Variants in C12orf76 observed in about 807,000 individuals in gnomAD.
C12orf76 encodes chromosome 12 open reading frame 76, also known as uncharacterized protein C12orf76.
In C12orf76, 6 loss-of-function variants were observed where a neutral mutation model predicts 6.8. That is an observed-to-expected ratio of 0.88 (90% CI 0.48 to 1.73). C12orf76 has a LOEUF of 1.73. Ranked by LOEUF, C12orf76 falls within the 40% of genes most tolerant of loss-of-function variation. The probability of loss-of-function intolerance (pLI) is 0.01; values close to 1 mark genes in which losing one functional copy is unlikely to be tolerated. For synonymous variants in C12orf76, 56 were observed against 43.7 expected, an observed-to-expected ratio of 1.28 and a Z score of -1.11; for missense variants, 99 against 98.2, an observed-to-expected ratio of 1.01 and a Z score of -0.03.
rs925974658 is a variant in C12orf76, at chr12:110,054,639, C to A, written n.664+2550G>T. 6.6e-6 allele frequency among the ~76,000 whole-genome samples: 1 copy of A among 152,122 alleles called. No individual in the cohort carries two copies. Among genetic ancestry groups the A allele is most frequent in the Non-Finnish European group, 1.5e-5 (1 of 68,026 alleles). The stretch of plus-strand genomic sequence containing the variant: ...TGGAACTAGATGTGGTGGTTGCACA[C>A]CTCTCTGAAATGCCACTGAACTGTT... On this transcript the variant is annotated intron_variant and non_coding_transcript_variant, in intron 4 of 4. Transcript: ENST00000309050. This position sits in a 1 kb window ranked among gnomAD's most constrained non-coding sequence, Gnocchi z 4.4.
intron 1 of C12orf76, among the ~76,000 whole-genome samples, chr12:110,045,229 C>T (rs1892418577): frequency 6.6e-6 from 1 of 152,188 alleles, no homozygotes; most frequent in Non-Finnish European, 1.5e-5. Context: ...TACAATTGGA[C>T]TTAAAGTTGT....
chr12:110,051,904 CTT>C (rs567991255), upstream of C12orf76, among the ~76,000 whole-genome samples: 5 of 100,682 alleles, frequency 5.0e-5, no homozygotes, highest in African/African-American at 7.3e-5. Context: ...GGCAGCTACT[CTT>C]TTTTTTTTTT....
upstream of C12orf76, chr12:110,048,686 T>C (rs1333375873): frequency 2.4e-6 from 3 of 1,250,836 alleles, no homozygotes; most frequent in Non-Finnish European, 3.0e-6. Flanking sequence ...ATAACTAATG[T>C]TTCCCCCGGA....
upstream of C12orf76, among the ~76,000 whole-genome samples, chr12:110,068,247 A>AAAGAAGAAGAAGAAGAAG (rs4042063): frequency 3.1e-4 from 20 of 63,814 alleles, 1 homozygote; most frequent in Middle Eastern, 0.012. Flanking sequence ...GAAGAAGAAG[A>AAAGAAGAAGAAGAAGAAG]AAGAAGAAGA....
intron 1 of C12orf76, among the ~76,000 whole-genome samples, chr12:110,047,431 G>A (rs1243942978): frequency 6.6e-6 from 1 of 152,114 alleles, no homozygotes; most frequent in African/African-American, 2.4e-5. Context: ...GCTCACACTT[G>A]TAATCCCAAC....
chr12:110,069,990 T>G (rs571806641), upstream of C12orf76, among the ~76,000 whole-genome samples: 172 of 152,300 alleles, frequency 1.1e-3, 2 homozygotes, highest in African/African-American at 4.0e-3. Flanking sequence ...TGGCTCACAC[T>G]GTAATCCCAG....
chr12:110,054,318 T>C lies in C12orf76; in HGVS notation n.664+2871A>G, dbSNP rs1306296227. On this transcript the variant is annotated intron_variant and non_coding_transcript_variant, in intron 4 of 4. Transcript: ENST00000309050. This position sits in a 1 kb window ranked among gnomAD's most constrained non-coding sequence, Gnocchi z 4.4. Reference sequence around the variant, plus strand: ...AAATGTTCATCTATGGATGAATGGATAGGCAAAATGTGGTCTATCCATTCA... The same window carrying C: ...AAATGTTCATCTATGGATGAATGGACAGGCAAAATGTGGTCTATCCATTCA... Among the ~76,000 whole-genome samples, 3 of 152,144 alleles carry C rather than the reference T, an allele frequency of 2.0e-5. No individual in the cohort carries two copies. Among genetic ancestry groups the C allele is most frequent in the Non-Finnish European group, 4.4e-5 (3 of 68,026 alleles).
intron 1 of C12orf76, chr12:110,073,304 G>A (rs1892983169): frequency 2.2e-6 from 1 of 447,182 alleles, no homozygotes; most frequent in Non-Finnish European, 4.5e-6. Flanking sequence ...TGCTGTGAAA[G>A]CACGTCCAAA....
At chr12:110,044,905 G>A (rs1212405415) in intron 1 of C12orf76, among the ~76,000 whole-genome samples, 5 of 152,058 alleles carry the variant, frequency 3.3e-5, no homozygotes, top group East Asian at 3.9e-4. Flanking sequence ...CCCGGGAGGC[G>A]GAGGTTGCGG....
upstream of C12orf76, chr12:110,050,924 A>G (rs1892563561): frequency 1.5e-6 from 1 of 678,164 alleles, no homozygotes; most frequent in African/African-American, 1.7e-5. Context: ...AGAAGGGACT[A>G]TAGTGCAGAA....
chr12:110,052,643 T>A (rs1356732747), upstream of C12orf76, among the ~76,000 whole-genome samples: 1 of 152,232 alleles, frequency 6.6e-6, no homozygotes, highest in Non-Finnish European at 1.5e-5. Context: ...TTGTTTTAAA[T>A]GCTTTGTTTA....
intron 2 of C12orf76, chr12:110,065,829 C>A: frequency 6.2e-7 from 1 of 1,614,148 alleles, no homozygotes; most frequent in South Asian, 1.1e-5. Context: ...CCTGTCCTGC[C>A]CCCTGGTCTG....
chr12:110,045,729 T>C (rs928205282), intron 1 of C12orf76, among the ~76,000 whole-genome samples: 5 of 151,970 alleles, frequency 3.3e-5, no homozygotes, highest in Non-Finnish European at 7.4e-5. Context: ...GAGGCCGAGA[T>C]GGGCAGATCA....
At chr12:110,051,005 G>A (rs1892565089), upstream of C12orf76, 1 of 771,998 alleles carries the variant, frequency 1.3e-6, no homozygotes, top group Admixed American at 1.7e-5. Flanking sequence ...ACCTGCAAAG[G>A]GAAGGTGTAA....
At chr12:110,043,062 C>T (rs904779783) in intron 1 of C12orf76, among the ~76,000 whole-genome samples, 1 of 151,246 alleles carries the variant, frequency 6.6e-6, no homozygotes, top group Non-Finnish European at 1.5e-5. Context: ...AATGAAACTC[C>T]ACCTCAAAAA....
chr12:110,056,919 T>C, intron 4 of C12orf76: 1 of 378,754 alleles, frequency 2.6e-6, no homozygotes, highest in Non-Finnish European at 4.8e-6. Context: ...AAACCTCTTT[T>C]CTTTGTAAAT....
At chr12:110,070,479 T>A (rs1330990755), upstream of C12orf76, among the ~76,000 whole-genome samples, 1 of 150,422 alleles carries the variant, frequency 6.6e-6, no homozygotes, top group Non-Finnish European at 1.5e-5. Context: ...GGCAGGAGGA[T>A]CACATGAGCC....
chr12:110,063,602 T>TTTTATTTA (rs147216427), intron 2 of C12orf76, among the ~76,000 whole-genome samples: 17,154 of 138,620 alleles, frequency 0.12, 1,186 homozygotes, highest in African/African-American at 0.15. Flanking sequence ...GGATTTTTAT[T>TTTTATTTA]TTTATTTATT....
chr12:110,064,343 T>C (rs1464136087), intron 2 of C12orf76, among the ~76,000 whole-genome samples: 2 of 152,174 alleles, frequency 1.3e-5, no homozygotes, highest in East Asian at 3.9e-4. Context: ...TTGTGACATG[T>C]ATTAGGGAGT....
Sources: gnomAD v4.1 joint callset for allele counts (sites outside exome capture counted in the v4.1 genomes callset) on GRCh38, gnomAD v4.1.1 for gene constraint, Gnocchi (gnomAD v3.1) non-coding constraint, MANE v1.5 for transcripts, NCBI Gene and HGNC (gene_info 2026-07-23, HGNC 2026-07-21) for gene names.